AEN: variants seen among roughly 807,000 people sequenced by gnomAD.
AEN encodes the protein apoptosis enhancing nuclease.
Under a neutral mutation model 17.7 loss-of-function variants are expected in AEN, and 21 were observed. The ratio of observed to expected loss-of-function variants is 1.19; its 90% CI spans 0.84 to 1.71. The LOEUF is 1.71. Ranked by LOEUF, AEN falls within the 40% of genes most tolerant of loss-of-function variation. The pLI is 0.00. For missense variants in AEN, 462 were observed against 435.9 expected, an observed-to-expected ratio of 1.06 and a Z score of -0.53; for synonymous variants, 190 against 173.0, an observed-to-expected ratio of 1.10 and a Z score of -0.77.
chr15:88,629,548 G>T (rs1204402908), intron 3 of AEN, 122 bp downstream of exon 3: 6 of 1,229,418 alleles, frequency 4.9e-6, no homozygotes, highest in Admixed American at 2.6e-5. Context: ...CCTAGTCCAG[G>T]TCCAGGGACC....
upstream of AEN, among the ~76,000 whole-genome samples, chr15:88,620,168 T>A (rs1038659868): frequency 6.6e-6 from 1 of 152,024 alleles, no homozygotes; most frequent in African/African-American, 2.4e-5. Context: ...TCCAAATCAC[T>A]TCTGCTTGCA....
chr15:88,626,067 C>T (rs2057847244), intron 1 of AEN, 79 bp from the exon 2 acceptor site: 1 of 913,118 alleles, frequency 1.1e-6, no homozygotes, highest in Non-Finnish European at 1.5e-6. Flanking sequence ...CCGTGGTGCA[C>T]TGCAGGGAGG....
the AEN span, among the ~76,000 whole-genome samples, chr15:88,608,571 A>G: frequency 6.6e-6 from 1 of 152,258 alleles, no homozygotes; most frequent in Non-Finnish European, 1.5e-5. Context: ...GAAAGCTAGA[A>G]GTCGGAAGAA....
the AEN span, among the ~76,000 whole-genome samples, chr15:88,614,868 T>TG: frequency 6.6e-6 from 1 of 151,416 alleles, no homozygotes; most frequent in Non-Finnish European, 1.5e-5. Context: ...GTGGTGCTTT[T>TG]TTGTTGTTGT....
chr15:88,610,289 G>A, the AEN span, among the ~76,000 whole-genome samples: 1 of 150,002 alleles, frequency 6.7e-6, no homozygotes, highest in Admixed American at 6.6e-5. Context: ...CTCAACAGTG[G>A]CAAAGAGGCA....
At chr15:88,613,764 C>T in the AEN span, among the ~76,000 whole-genome samples, 1 of 151,604 alleles carries the variant, frequency 6.6e-6, no homozygotes, top group South Asian at 2.1e-4. Context: ...TCAGATTCCT[C>T]AACTGTGAAA....
In AEN at chr15:88,631,936, GGAGGTACA is replaced by G. The variant is rs1298888183; in HGVS notation, c.*1645_*1652del. On this transcript the variant is annotated 3_prime_UTR_variant, in exon 4 of 4. Coordinates refer to ENST00000332810, the MANE Select transcript of AEN (RefSeq NM_022767.4). Reference sequence around the variant, plus strand: ...CAGAGCAAAGCAGCGCAGGGGTCAGGGAGGTACAGACACTGCTGAAATCACACTACCCC... The same window carrying G: ...CAGAGCAAAGCAGCGCAGGGGTCAGGGACACTGCTGAAATCACACTACCCC... 4 of 152,392 alleles carry G rather than the reference GGAGGTACA, an allele frequency of 2.6e-5. No individual in the cohort carries two copies. Among genetic ancestry groups the G allele is most frequent in the Non-Finnish European group, 5.9e-5 (4 of 68,186 alleles). The allele number at this position is 152,392 out of a possible 1,614,324, so 9.4% of individuals were successfully genotyped here.
the AEN span, chr15:88,611,786 G>A: frequency 7.7e-5 from 35 of 452,928 alleles, no homozygotes; most frequent in African/African-American, 6.8e-4. Flanking sequence ...CTGGTGGCGA[G>A]GGGAGGGGGG....
intron 1 of AEN, among the ~76,000 whole-genome samples, chr15:88,624,929 AGTTT>A (rs1233932374): frequency 6.6e-6 from 1 of 152,088 alleles, no homozygotes; most frequent in Non-Finnish European, 1.5e-5. Flanking sequence ...TCAAAGCCCT[AGTTT>A]GTTTGATCTG....
intron 2 of AEN, 176 bp downstream of exon 2, chr15:88,626,925 C>A: frequency 1.4e-6 from 1 of 713,080 alleles, no homozygotes; most frequent in Non-Finnish European, 2.3e-6. Flanking sequence ...AAAATCCTGA[C>A]CTTGCCTCCA....
chr15:88,611,915 T>C, the AEN span: 3 of 507,722 alleles, frequency 5.9e-6, no homozygotes, highest in Non-Finnish European at 1.2e-5. Flanking sequence ...CCAGTCTACC[T>C]AATGGTGCCA....
In AEN at chr15:88,626,645, T is replaced by A. The variant is rs1432949848; in HGVS notation, c.436T>A (p.Tyr146Asn). The A allele has an allele frequency of 1.2e-6, 2 of 1,613,984 alleles. No individual in the cohort carries two copies. The highest frequency in any genetic ancestry group is 3.3e-5 in the Admixed American group (2 of 60,028). ...CCATGGCAATGTCCTCTATGACAAGTACATCAGGCCTGAGATGCCCATCGC... is the reference window on the plus strand; with the variant it reads ...CCATGGCAATGTCCTCTATGACAAGAACATCAGGCCTGAGATGCCCATCGC... ...SYHGNVLYDKYIRPEMPIADY... is the reference protein window; with the variant it reads ...SYHGNVLYDKNIRPEMPIADY... The change falls in exon 2 of 4, where the codon TAC becomes AAC. Residue 146 changes from tyrosine to asparagine, a missense_variant. Transcript: ENST00000332810.
rs751853313 is a variant in AEN, at chr15:88,630,299, G to A, written c.*5G>A. 1 of 1,570,206 alleles carries A rather than the reference G, an allele frequency of 6.4e-7. No homozygotes were observed. Among genetic ancestry groups the A allele is most frequent in the Non-Finnish European group, 8.6e-7 (1 of 1,158,006 alleles). The stretch of plus-strand genomic sequence containing the variant: ...GCACAGGACAGAAGGAATTGAGAAG[G>A]GGGCGGGGCTCCCTGGCTGGGCTTC... On this transcript the variant is annotated 3_prime_UTR_variant, in exon 4 of 4. Coordinates refer to ENST00000332810, the MANE Select transcript of AEN (RefSeq NM_022767.4). The surrounding 1 kb of genome is among the most constrained non-coding windows in gnomAD (Gnocchi z 5.1).
At position 88,630,248 on chromosome 15, in the gene AEN, A is replaced by C; in HGVS notation, c.932A>C (p.His311Pro). Residue 311 changes from histidine (H) to proline (P), a missense_variant, in exon 4 of 4, where the codon CAC becomes CCC. By Grantham distance (77) the His-to-Pro change is moderately conservative. Coordinates refer to ENST00000332810, the MANE Select transcript of AEN (RefSeq NM_022767.4). This position sits in a 1 kb window ranked among gnomAD's most constrained non-coding sequence, Gnocchi z 5.1. Reference protein sequence around the residue: ...EDQYWPDDLAHGSRGGAREAQ... With the variant: ...EDQYWPDDLAPGSRGGAREAQ... The stretch of plus-strand genomic sequence containing the variant: ...CAGTACTGGCCCGATGACCTGGCCC[A>C]CGGCAGCAGAGGAGGAGCCAGGGAG... 2 of 1,598,280 alleles carry C rather than the reference A, an allele frequency of 1.3e-6. No individual in the cohort carries two copies.
At chr15:88,626,867 T>G (rs1035559320) in intron 2 of AEN, 118 bp downstream of exon 2, 4 of 1,122,914 alleles carry the variant, frequency 3.6e-6, no homozygotes, top group Admixed American at 2.2e-5. Context: ...GTCACCTAAC[T>G]GCTCCAAACA....
chr15:88,627,749 G>T (rs1449923034), intron 2 of AEN: 1 of 152,204 alleles, frequency 6.6e-6, no homozygotes, highest in East Asian at 1.9e-4. Flanking sequence ...GCTTAGTTCA[G>T]TTGGATGCAG....
the AEN span, among the ~76,000 whole-genome samples, chr15:88,606,226 C>T: frequency 6.6e-6 from 1 of 152,168 alleles, no homozygotes. Context: ...GCTCTCTCCC[C>T]CTTCCTTTTT....
At chr15:88,620,073 G>T (rs1371479907), upstream of AEN, among the ~76,000 whole-genome samples, 1 of 152,128 alleles carries the variant, frequency 6.6e-6, no homozygotes, top group East Asian at 1.9e-4. Flanking sequence ...GATCTCTCTT[G>T]TGACCTCATC....
chr15:88,611,876 T>C, the AEN span: 4 of 521,970 alleles, frequency 7.7e-6, no homozygotes, highest in Non-Finnish European at 1.6e-5. Context: ...GTGATTTTGT[T>C]GTTGTCTTAC....
Sources: gnomAD v4.1 joint callset for allele counts (sites outside exome capture counted in the v4.1 genomes callset) on GRCh38, gnomAD v4.1.1 for gene constraint, Gnocchi (gnomAD v3.1) non-coding constraint, MANE v1.5 for transcripts, NCBI Gene and HGNC (gene_info 2026-07-23, HGNC 2026-07-21) for gene names.